ABCE1: variants seen among roughly 807,000 people sequenced by gnomAD.
ABCE1 encodes ATP-binding cassette sub-family E member 1.
A neutral mutation model predicts 83.4 loss-of-function variants in ABCE1; 22 were observed. The ratio of observed to expected loss-of-function variants is 0.26; its 90% CI spans 0.19 to 0.38. ABCE1 has a LOEUF of 0.38. ABCE1 is among the 10% of genes least tolerant of loss of function. The pLI is 1.00. For synonymous variants in ABCE1, 204 were observed against 233.7 expected, an observed-to-expected ratio of 0.87 and a Z score of 1.16; for missense variants, 330 against 721.9, an observed-to-expected ratio of 0.46 and a Z score of 6.22.
At chr4:145,124,903 T>C (rs1579224525) in intron 16 of ABCE1, 87 bp from the exon 17 acceptor site, 1 of 832,210 alleles carries the variant, frequency 1.2e-6, no homozygotes, top group Non-Finnish European at 2.0e-6. Context: ...TTTGAGGTAA[T>C]AGTAATTCTT....
intron 9 of ABCE1, among the ~76,000 whole-genome samples, chr4:145,115,489 T>C (rs182077479): frequency 6.6e-6 from 1 of 152,044 alleles, no homozygotes; most frequent in East Asian, 1.9e-4. Context: ...TTCCTTTTAA[T>C]TTTCCCTTTT....
rs749598120 is a variant in ABCE1, at chr4:145,117,371, A to G, written c.879A>G (p.Pro293=). Residue 293 remains proline (P), a synonymous_variant, in exon 10 of 18, where the codon CCA becomes CCG. Coordinates refer to ENST00000296577, the MANE Select transcript of ABCE1 (RefSeq NM_002940.3). ...TCATCTGCTGTTTATATGGTGTACC[A>G]AGCGCCTATGGAGTTGTCACTATGC... ...SDFICCLYGV[P]SAYGVVTMPF... The G allele has an allele frequency of 6.2e-7, 1 of 1,611,362 alleles. No individual in the cohort carries two copies. The highest frequency in any genetic ancestry group is 8.5e-7 in the Non-Finnish European group (1 of 1,178,436).
chr4:145,119,025 C>A (rs1441427338), intron 10 of ABCE1, among the ~76,000 whole-genome samples: 1 of 151,674 alleles, frequency 6.6e-6, no homozygotes, highest in Non-Finnish European at 1.5e-5. Flanking sequence ...TTTTTAACTT[C>A]ACATTTATAG....
At chr4:145,116,376 G>A (rs1197928903) in intron 9 of ABCE1, among the ~76,000 whole-genome samples, 3 of 151,852 alleles carry the variant, frequency 2.0e-5, no homozygotes, top group Non-Finnish European at 4.4e-5. Flanking sequence ...GAAGAAAAAG[G>A]GTGAGATTGA....
At chr4:145,125,686 G>T (rs1158498418) in intron 17 of ABCE1, among the ~76,000 whole-genome samples, 4 of 152,080 alleles carry the variant, frequency 2.6e-5, no homozygotes, top group Admixed American at 2.6e-4. Context: ...TCTGGGGAAA[G>T]ATTACACTAA....
intron 2 of ABCE1, among the ~76,000 whole-genome samples, chr4:145,105,184 T>G (rs1278757192): frequency 6.6e-6 from 1 of 152,098 alleles, no homozygotes; most frequent in Non-Finnish European, 1.5e-5. Context: ...ACTGCATACC[T>G]TTTTGGAGTT....
chr4:145,123,756 C>T (rs1273611387), intron 16 of ABCE1, 156 bp downstream of exon 16: 1 of 648,780 alleles, frequency 1.5e-6, no homozygotes, highest in African/African-American at 1.8e-5. Context: ...TGGATGGGAC[C>T]ATGTGGAAGA....
intron 3 of ABCE1, among the ~76,000 whole-genome samples, chr4:145,105,917 G>A (rs1749290993): frequency 6.6e-6 from 1 of 151,822 alleles, no homozygotes; most frequent in Admixed American, 6.6e-5. Flanking sequence ...ACTTTATAAA[G>A]CCATTTCCAA....
rs1239288966 is a variant in ABCE1 at position 145,128,958 on chromosome 4, C to T, written c.*1385C>T. On this transcript the variant is annotated 3_prime_UTR_variant, in exon 18 of 18. Coordinates refer to ENST00000296577, the MANE Select transcript of ABCE1 (RefSeq NM_002940.3). ...AAAAAAATGATCTCCCTTTATTACC[C>T]TCCCAAAGGTTACCAGCGTTTGAAT... 1 of 152,140 alleles carries T rather than the reference C, an allele frequency of 6.6e-6. No homozygotes were observed. The highest frequency in any genetic ancestry group is 6.5e-5 in the Admixed American group (1 of 15,272). The allele number at this position is 152,140 out of a possible 1,614,324, so 9.4% of individuals were successfully genotyped here. A position where few individuals can be genotyped will look rare whatever the true frequency, so the allele number is the denominator to read the frequency against.
At chr4:145,123,162 A>G (rs769806308) in intron 14 of ABCE1, 31 bp downstream of exon 14, 3 of 1,581,226 alleles carry the variant, frequency 1.9e-6, no homozygotes, top group Non-Finnish European at 2.6e-6. Flanking sequence ...TTATTTTTTT[A>G]TTATTTTGAA....
intron 5 of ABCE1, 125 bp from the exon 6 acceptor site, chr4:145,109,978 T>C (rs1749421995): frequency 1.2e-6 from 1 of 843,554 alleles, no homozygotes; most frequent in Non-Finnish European, 1.7e-6. Flanking sequence ...TATGTTCGCC[T>C]CCAACCTTAA....
intron 1 of ABCE1, among the ~76,000 whole-genome samples, chr4:145,099,574 C>T (rs754320272): frequency 5.9e-5 from 9 of 152,104 alleles, no homozygotes; most frequent in African/African-American, 2.2e-4. Flanking sequence ...GGAAGAGCAT[C>T]TAACAATTGG....
intron 9 of ABCE1, among the ~76,000 whole-genome samples, chr4:145,115,249 G>A (rs895641948): frequency 6.6e-6 from 1 of 151,908 alleles, no homozygotes; most frequent in African/African-American, 2.4e-5. Context: ...GTTGGGGGCA[G>A]GAAGTTTGAC....
Position 145,129,394 on chromosome 4 carries a change from A to G in ABCE1, c.*1821A>G, listed in dbSNP as rs1326488416. ...ATGCAGATGTTAGCAAAAGAATGAG[A>G]CTACTTCATATGTCCTAATTGGAAA... is the stretch of plus-strand genomic sequence containing the variant. On this transcript the variant is annotated 3_prime_UTR_variant, in exon 18 of 18. Coordinates refer to ENST00000296577, the MANE Select transcript of ABCE1 (RefSeq NM_002940.3). Among the ~76,000 whole-genome samples, 4 of 152,162 alleles carry G rather than the reference A, an allele frequency of 2.6e-5. No homozygotes were observed. Among genetic ancestry groups the G allele is most frequent in the Non-Finnish European group, 5.9e-5 (4 of 68,026 alleles).
chr4:145,119,908 G>A (rs376303183), intron 10 of ABCE1, 24 bp from the exon 11 acceptor site: 212 of 1,575,610 alleles, frequency 1.3e-4, no homozygotes, highest in African/African-American at 7.0e-4. Context: ...GATTTCTCCC[G>A]GTTGACAATT....
intron 3 of ABCE1, 45 bp downstream of exon 3, chr4:145,105,735 T>G (rs903476265): frequency 1.4e-6 from 2 of 1,382,814 alleles, no homozygotes; most frequent in Non-Finnish European, 1.0e-6. Flanking sequence ...AACCTAAAAC[T>G]GAAATCTGAA....
At chr4:145,099,660 C>T (rs1749066969) in intron 1 of ABCE1, among the ~76,000 whole-genome samples, 1 of 152,156 alleles carries the variant, frequency 6.6e-6, no homozygotes, top group African/African-American at 2.4e-5. Flanking sequence ...GAAATCAGAG[C>T]CGTGTACCAC....
chr4:145,107,889 C>A, intron 3 of ABCE1, 126 bp from the exon 4 acceptor site: 2 of 727,082 alleles, frequency 2.8e-6, no homozygotes, highest in Non-Finnish European at 4.3e-6. Context: ...GGAAATGAAA[C>A]AACATTTCAC....
Position 145,099,501 on chromosome 4 carries a change from C to T in ABCE1, c.-28+1082C>T, listed in dbSNP as rs187194157. Among the ~76,000 whole-genome samples, 268 of 152,212 alleles carry T rather than the reference C, an allele frequency of 1.8e-3. 1 individual carries two copies. Among genetic ancestry groups the T allele is most frequent in the African/African-American group, 6.1e-3 (254 of 41,526 alleles). On this transcript the variant is annotated intron_variant, in intron 1 of 17. Transcript: ENST00000296577. ...CCAAAAGCTGTTTGGGGTTTGTGAG[C>T]TTTTTGAGAACTTAGTTCTCCCCTA...
Sources: allele counts gnomAD v4.1 joint callset (sites outside exome capture counted in the v4.1 genomes callset), GRCh38; gene constraint gnomAD v4.1.1; transcripts MANE v1.5; gene names NCBI Gene and HGNC (gene_info 2026-07-23, HGNC 2026-07-21).